Variants in BFSP1 observed in about 807,000 individuals in gnomAD.
BFSP1 encodes beaded filament structural protein 1.
BFSP1 carries 38 observed loss-of-function variants against 43.9 expected under a neutral mutation model. The observed-to-expected ratio is 0.87, with a 90% CI of 0.67 to 1.14. BFSP1 has a LOEUF of 1.14. BFSP1 is among the 50% of genes most tolerant of loss of function. BFSP1 has a pLI of 0.00. For missense variants in BFSP1, 850 were observed against 875.1 expected (o/e 0.97, Z 0.36); for synonymous variants, 352 against 354.8 (o/e 0.99, Z 0.09).
chr20:17,542,354 C>T (rs185760629), intron 1 of BFSP1, among the ~76,000 whole-genome samples: 2 of 151,010 alleles, frequency 1.3e-5, no homozygotes, highest in Non-Finnish European at 1.5e-5. Context: ...CTTTAGGAGG[C>T]CGAGATAGGA....
chr20:17,538,633 C>G (rs1469094953), intron 1 of BFSP1, among the ~76,000 whole-genome samples: 1 of 152,140 alleles, frequency 6.6e-6, no homozygotes, highest in Non-Finnish European at 1.5e-5. Context: ...TCTGGACTTG[C>G]CTTCTCTGCA....
chr20:17,557,921 T>A (rs1430063713), intron 1 of BFSP1, among the ~76,000 whole-genome samples: 1 of 152,210 alleles, frequency 6.6e-6, no homozygotes, highest in Non-Finnish European at 1.5e-5. Context: ...TTTAGTCTAT[T>A]ATATTTTCTT....
At chr20:17,567,613 G>C (rs951334970) in intron 1 of BFSP1, among the ~76,000 whole-genome samples, 2 of 152,172 alleles carry the variant, frequency 1.3e-5, no homozygotes, top group Non-Finnish European at 2.9e-5. Context: ...TGTAATCTCA[G>C]CACTTTGGGA....
At chr20:17,499,131 T>C in intron 5 of BFSP1, 91 bp from the exon 6 acceptor site, 1 of 1,076,338 alleles carries the variant, frequency 9.3e-7, no homozygotes, top group East Asian at 2.4e-5. Flanking sequence ...ACTCGGTGAA[T>C]GTTTTATGTT....
chr20:17,512,766 C>T (rs2034116724), intron 3 of BFSP1, among the ~76,000 whole-genome samples: 1 of 152,168 alleles, frequency 6.6e-6, no homozygotes, highest in South Asian at 2.1e-4. Context: ...AGGACCCTTT[C>T]CAACACCAGC....
In BFSP1 at chr20:17,531,040, TG is replaced by T; in HGVS notation, c.289del (p.Gln97SerfsTer41). 7.0e-7 allele frequency: 1 copy of T among 1,420,134 alleles called. No homozygotes were observed. The highest frequency in any genetic ancestry group is 9.2e-7 in the Non-Finnish European group (1 of 1,090,240). The allele number at this position is 1,420,134 out of a possible 1,614,324, so 88.0% of individuals were successfully genotyped here. On this transcript the variant is annotated frameshift_variant, in exon 1 of 8. Coordinates refer to ENST00000377873, the MANE Select transcript of BFSP1 (RefSeq NM_001195.5). LOFTEE classifies it high-confidence loss of function. ...ALARQVESNR[Q>X]RVRDLEAERA... ...CTCGGCCTCCAGGTCCCGGACGCGC[TG>T]GCGGTTGCTCTCGACTTGGCGGGCG...
chr20:17,514,594 G>T, intron 3 of BFSP1, 127 bp downstream of exon 3: 1 of 876,564 alleles, frequency 1.1e-6, no homozygotes, highest in Non-Finnish European at 1.9e-6. Flanking sequence ...ACCCCTATTT[G>T]GTTCGAGGGA....
rs1420570747 is a variant in BFSP1 at position 17,538,505 on chromosome 20, G to A, written c.3-13597C>T. ...TGTTTCTTAATGATAGCAAGAAAAC[G>A]CAAAAATCTTCCTTTGATTCACCAG... On this transcript the variant is annotated intron_variant, in intron 1 of 7. Transcript: ENST00000377868. Among the ~76,000 whole-genome samples, 7 of 152,230 alleles carry A rather than the reference G, an allele frequency of 4.6e-5. No homozygotes were observed. In the South Asian group the frequency reaches 6.2e-4, roughly 14 times the overall value.
intron 3 of BFSP1, among the ~76,000 whole-genome samples, chr20:17,512,676 C>A (rs750892535): frequency 2.0e-5 from 3 of 152,138 alleles, no homozygotes; most frequent in Admixed American, 6.5e-5. Context: ...GTTGTGATCA[C>A]CCCACTGTAC....
rs138639791 is a variant in BFSP1, at chr20:17,500,856, C to A, written c.736-1816G>T. On this transcript the variant is annotated intron_variant, in intron 5 of 7. Coordinates refer to ENST00000377873, the MANE Select transcript of BFSP1 (RefSeq NM_001195.5). ...ATCATGATTCTTTTCCAATCTCATT[C>A]TTGAGTAGGAAAGAATTTGACACGC... 6.6e-5 allele frequency among the ~76,000 whole-genome samples: 10 copies of A among 152,296 alleles called. No individual in the cohort carries two copies. The East Asian group carries it at 1.9e-3, about 29-fold the overall frequency.
intron 1 of BFSP1, among the ~76,000 whole-genome samples, chr20:17,567,092 A>C (rs1352871256): frequency 6.6e-6 from 1 of 152,144 alleles, no homozygotes; most frequent in Admixed American, 6.6e-5. Flanking sequence ...AATCTTTATT[A>C]GTCTATAGCA....
intron 1 of BFSP1, among the ~76,000 whole-genome samples, chr20:17,568,271 G>A (rs917747745): frequency 1.7e-4 from 26 of 152,104 alleles, no homozygotes; most frequent in African/African-American, 6.3e-4. Flanking sequence ...TCTTATGTTT[G>A]GACCTAACTC....
intron 3 of BFSP1, among the ~76,000 whole-genome samples, chr20:17,513,123 G>A (rs1448607442): frequency 6.6e-6 from 1 of 152,146 alleles, no homozygotes; most frequent in Non-Finnish European, 1.5e-5. Flanking sequence ...CCCAGCTGTG[G>A]TGTAATTCAC....
intron 1 of BFSP1, among the ~76,000 whole-genome samples, chr20:17,546,161 G>T (rs563436309): frequency 2.0e-5 from 3 of 152,298 alleles, no homozygotes; most frequent in African/African-American, 7.2e-5. Flanking sequence ...TTACAGCTTC[G>T]AGTGGCTGGG....
intron 5 of BFSP1, among the ~76,000 whole-genome samples, chr20:17,499,705 T>C (rs2033749339): frequency 6.6e-6 from 1 of 152,118 alleles, no homozygotes; most frequent in South Asian, 2.1e-4. Flanking sequence ...GCAGATCACT[T>C]GAGGTCAGGA....
chr20:17,505,518 G>C (rs2033914021), intron 5 of BFSP1, among the ~76,000 whole-genome samples: 1 of 152,242 alleles, frequency 6.6e-6, no homozygotes, highest in African/African-American at 2.4e-5. Context: ...CTCTCTCTCG[G>C]CCCGCCCTCC....
chr20:17,556,365 G>T (rs1259982771), intron 1 of BFSP1, among the ~76,000 whole-genome samples: 1 of 152,232 alleles, frequency 6.6e-6, no homozygotes, highest in African/African-American at 2.4e-5. Flanking sequence ...GGGCATGGTG[G>T]TGTGTGCCTG....
rs775489929 is a variant in BFSP1, at chr20:17,524,830, A to G, written c.438+18T>C. 6.2e-7 allele frequency: 1 copy of G among 1,612,600 alleles called. No individual in the cohort carries two copies. The highest frequency in any genetic ancestry group is 1.3e-5 in the African/African-American group (1 of 75,004). Reference sequence around the variant, plus strand: ...ACTGTAATTAAGCTACGTAAACCCAAGGATGTGTTCCGCTCACCTTGTTAA... The same window carrying G: ...ACTGTAATTAAGCTACGTAAACCCAGGGATGTGTTCCGCTCACCTTGTTAA... On this transcript the variant is annotated intron_variant, in intron 2 of 7. Coordinates refer to ENST00000377873, the MANE Select transcript of BFSP1 (RefSeq NM_001195.5).
Position 17,531,290 on chromosome 20 carries a change from G to A in BFSP1, c.40C>T (p.Gln14Ter). The A allele has an allele frequency of 6.8e-7, 1 of 1,474,776 alleles. No homozygotes were observed. Among genetic ancestry groups the A allele is most frequent in the South Asian group, 1.3e-5 (1 of 77,312 alleles). 91.4% of individuals were successfully genotyped at this position (1,474,776 alleles called of 1,614,324 possible). A position where few individuals can be genotyped will look rare whatever the true frequency, so the allele number is the denominator to read the frequency against. The change falls in exon 1 of 8, where the codon CAG (glutamine) becomes TAG (stop). Residue 14 changes from glutamine (Q) to a stop codon, truncating the protein, a stop_gained. Coordinates refer to ENST00000377873, the MANE Select transcript of BFSP1 (RefSeq NM_001195.5). LOFTEE classifies it high-confidence loss of function. ...RSYVFQTRKE[Q>*]YEHADEASRA... ...GAAGCCTCGTCGGCGTGCTCGTACTGCTCCTTGCGGGTCTGGAAGACGTAG... is the reference window on the plus strand; with the variant it reads ...GAAGCCTCGTCGGCGTGCTCGTACTACTCCTTGCGGGTCTGGAAGACGTAG...
Sources: allele counts gnomAD v4.1 joint callset (sites outside exome capture counted in the v4.1 genomes callset), GRCh38; gene constraint gnomAD v4.1.1; transcripts MANE v1.5; gene names NCBI Gene and HGNC (gene_info 2026-07-23, HGNC 2026-07-21).